ELAVL2: variants seen among roughly 807,000 people sequenced by gnomAD.
ELAVL2 encodes ELAV-like protein 2.
Under a neutral mutation model 34.6 loss-of-function variants are expected in ELAVL2, and 4 were observed. That is an observed-to-expected ratio of 0.12 (90% CI 0.06 to 0.26). The LOEUF (loss-of-function observed/expected upper bound fraction) is 0.26, where lower values mean the gene tolerates loss of function less well. Ranked by LOEUF, ELAVL2 falls within the 10% of genes least tolerant of loss-of-function variation. The pLI is 1.00. For missense variants in ELAVL2, 432 were observed against 442.8 expected, an observed-to-expected ratio of 0.98 and a Z score of 0.22; for synonymous variants, 193 against 154.8, an observed-to-expected ratio of 1.25 and a Z score of -1.83.
At chr9:23,799,798 A>G (rs985208555) in intron 1 of ELAVL2, among the ~76,000 whole-genome samples, 2 of 152,234 alleles carry the variant, frequency 1.3e-5, no homozygotes, top group Non-Finnish European at 2.9e-5. Context: ...AAATCTATTA[A>G]GAATTAGAAA....
At chr9:23,752,568 T>G (rs982727006) in intron 2 of ELAVL2, among the ~76,000 whole-genome samples, 1 of 151,908 alleles carries the variant, frequency 6.6e-6, no homozygotes, top group African/African-American at 2.4e-5. Context: ...GATTCTCCTG[T>G]CTCAGCCTCC....
chr9:23,830,079 A>G (rs1305018320), upstream of ELAVL2: 1 of 152,122 alleles, frequency 6.6e-6, no homozygotes, highest in Admixed American at 6.5e-5. Context: ...CTTTCTTCAG[A>G]GTGTTCATGA....
chr9:23,799,402 G>A (rs2061330596), intron 1 of ELAVL2, among the ~76,000 whole-genome samples: 1 of 152,068 alleles, frequency 6.6e-6, no homozygotes, highest in South Asian at 2.1e-4. Flanking sequence ...TTTTCCTAAG[G>A]CACTCAGGGT....
At chr9:23,709,311 C>T (rs1265386533) in intron 3 of ELAVL2, among the ~76,000 whole-genome samples, 1 of 152,106 alleles carries the variant, frequency 6.6e-6, no homozygotes, top group African/African-American at 2.4e-5. Flanking sequence ...GTATTTAGAC[C>T]TAAGTGGGAA....
Position 23,786,171 on chromosome 9 carries a change from C to T in ELAVL2, c.-15-23922G>A, listed in dbSNP as rs560856476. Among the ~76,000 whole-genome samples the T allele has an allele frequency of 1.6e-4, 25 of 152,296 alleles. No individual in the cohort carries two copies. The East Asian group carries it at 4.2e-3, about 26-fold the overall frequency. On this transcript the variant is annotated intron_variant, in intron 1 of 6. Coordinates refer to ENST00000397312, the MANE Select transcript of ELAVL2 (RefSeq NM_004432.5). ...CCAGAAGAATTGCTGTGAAAGCCCA[C>T]ATCGTGTGCACTATTTTTTAAAAAG... is the stretch of plus-strand genomic sequence containing the variant.
At chr9:23,717,850 C>T (rs1360308540) in intron 3 of ELAVL2, among the ~76,000 whole-genome samples, 4 of 152,168 alleles carry the variant, frequency 2.6e-5, no homozygotes, top group Admixed American at 6.5e-5. Context: ...ACATTAAGCA[C>T]TCAAAATGTT....
At chr9:23,700,485 G>A (rs907569931) in intron 5 of ELAVL2, among the ~76,000 whole-genome samples, 25 of 152,336 alleles carry the variant, frequency 1.6e-4, no homozygotes, top group African/African-American at 6.0e-4. Context: ...GAGATAGAGT[G>A]TCTTCTTTGG....
intron 2 of ELAVL2, among the ~76,000 whole-genome samples, chr9:23,758,240 A>G (rs953933575): frequency 2.0e-5 from 3 of 152,042 alleles, no homozygotes; most frequent in South Asian, 2.1e-4. Flanking sequence ...AAGCTCCACA[A>G]ATTCTTTCAA....
At chr9:23,792,964 C>G (rs920220364) in intron 1 of ELAVL2, among the ~76,000 whole-genome samples, 1 of 151,934 alleles carries the variant, frequency 6.6e-6, no homozygotes, top group Admixed American at 6.6e-5. Context: ...TTTGTAGACA[C>G]AGGGTCCTCA....
At chr9:23,758,254 C>T (rs2054052646) in intron 2 of ELAVL2, among the ~76,000 whole-genome samples, 1 of 152,054 alleles carries the variant, frequency 6.6e-6, no homozygotes, top group South Asian at 2.1e-4. Flanking sequence ...CTTTCAAAAC[C>T]TTGCTAGAGA....
At chr9:23,794,695 G>A (rs1425773042) in intron 1 of ELAVL2, among the ~76,000 whole-genome samples, 2 of 152,028 alleles carry the variant, frequency 1.3e-5, no homozygotes, top group Admixed American at 6.6e-5. Flanking sequence ...TAATGTTTAG[G>A]AAAATCATGA....
intron 1 of ELAVL2, among the ~76,000 whole-genome samples, chr9:23,768,443 CTTT>C (rs527710583): frequency 4.3e-5 from 6 of 140,140 alleles, no homozygotes; most frequent in Non-Finnish European, 7.8e-5. Flanking sequence ...AACTAGGTAA[CTTT>C]TTTTTTTTTT....
intron 1 of ELAVL2, among the ~76,000 whole-genome samples, chr9:23,818,464 G>A (rs1440699622): frequency 2.0e-5 from 3 of 152,056 alleles, no homozygotes; most frequent in South Asian, 2.1e-4. Flanking sequence ...AAGTACTCAC[G>A]CCAAAAATAA....
At chr9:23,818,916 G>C (rs577034788) in intron 1 of ELAVL2, among the ~76,000 whole-genome samples, 2 of 152,280 alleles carry the variant, frequency 1.3e-5, no homozygotes, top group South Asian at 4.1e-4. Context: ...CTTGTGCAAT[G>C]CCAATAATGC....
rs2033146845 is a variant in ELAVL2 at position 23,691,427 on chromosome 9, T to C, written c.*1130A>G. Reference sequence around the variant, plus strand: ...AATCATGTGCAACGTCTTTTTTCCTTAAGACAAAACAATTCTTCAAACAAT... The same window carrying C: ...AATCATGTGCAACGTCTTTTTTCCTCAAGACAAAACAATTCTTCAAACAAT... On this transcript the variant is annotated 3_prime_UTR_variant, in exon 7 of 7. Coordinates refer to ENST00000397312, the MANE Select transcript of ELAVL2 (RefSeq NM_004432.5). 6.6e-6 allele frequency: 1 copy of C among 152,528 alleles called. No homozygotes were observed. The highest frequency in any genetic ancestry group is 2.4e-5 in the African/African-American group (1 of 41,432). 9.4% of individuals were successfully genotyped at this position (152,528 alleles called of 1,614,324 possible).
At chr9:23,695,793 A>C (rs2034959651) in intron 5 of ELAVL2, among the ~76,000 whole-genome samples, 1 of 152,186 alleles carries the variant, frequency 6.6e-6, no homozygotes, top group Non-Finnish European at 1.5e-5. Flanking sequence ...ATCACTAGAC[A>C]ATAGGAATTT....
intron 2 of ELAVL2, among the ~76,000 whole-genome samples, chr9:23,733,701 C>T (rs2047155857): frequency 2.0e-5 from 3 of 152,294 alleles, no homozygotes; most frequent in South Asian, 4.1e-4. Context: ...TTGCTTACTT[C>T]CTACTTAGCT....
chr9:23,769,850 C>A (rs925974677), intron 1 of ELAVL2, among the ~76,000 whole-genome samples: 1 of 152,164 alleles, frequency 6.6e-6, no homozygotes, highest in Non-Finnish European at 1.5e-5. Context: ...CTCCTTCATG[C>A]CAGTCTTTCT....
intron 1 of ELAVL2, among the ~76,000 whole-genome samples, chr9:23,804,615 G>A (rs985166225): frequency 6.6e-6 from 1 of 152,170 alleles, no homozygotes; most frequent in African/African-American, 2.4e-5. Flanking sequence ...TAAATTTAAA[G>A]ATAGAAATTG....
Sources: gnomAD v4.1 joint callset for allele counts (sites outside exome capture counted in the v4.1 genomes callset) on GRCh38, gnomAD v4.1.1 for gene constraint, MANE v1.5 for transcripts, NCBI Gene and HGNC (gene_info 2026-07-23, HGNC 2026-07-21) for gene names.